Variants in CAMSAP2 observed in about 807,000 individuals in gnomAD.
CAMSAP2 encodes calmodulin regulated spectrin associated protein family member 2, also known as calmodulin-regulated spectrin-associated protein 2.
In CAMSAP2, 26 loss-of-function variants were observed where a neutral mutation model predicts 146.1. That is an observed-to-expected ratio of 0.18 (90% CI 0.13 to 0.25). The LOEUF is 0.25. Ranked by LOEUF, CAMSAP2 falls within the 10% of genes least tolerant of loss-of-function variation. The probability of loss-of-function intolerance (pLI) is 1.00; values close to 1 mark genes in which losing one functional copy is unlikely to be tolerated. For synonymous variants in CAMSAP2, 499 were observed against 596.6 expected, an observed-to-expected ratio of 0.84 and a Z score of 2.38; for missense variants, 1,381 against 1,759.3, an observed-to-expected ratio of 0.78 and a Z score of 3.85.
intron 1 of CAMSAP2, among the ~76,000 whole-genome samples, chr1:200,756,078 A>G (rs189038627): frequency 2.5e-4 from 38 of 152,330 alleles, no homozygotes; most frequent in Non-Finnish European, 5.1e-4. Context: ...TTGAGGTCAG[A>G]GTAGGAGTAG....
At chr1:200,766,582 C>A (rs1392961546) in intron 2 of CAMSAP2, among the ~76,000 whole-genome samples, 1 of 152,172 alleles carries the variant, frequency 6.6e-6, no homozygotes, top group Admixed American at 6.5e-5. Context: ...AATATAAGGT[C>A]ACAGAGCAAG....
At chr1:200,810,828 G>A (rs1558187537) in intron 3 of CAMSAP2, among the ~76,000 whole-genome samples, 2 of 152,106 alleles carry the variant, frequency 1.3e-5, no homozygotes, top group Non-Finnish European at 2.9e-5. Flanking sequence ...GGTGGAGGTT[G>A]CAGCGACTCG....
At chr1:200,780,277 A>C (rs976202299) in intron 2 of CAMSAP2, among the ~76,000 whole-genome samples, 1 of 152,190 alleles carries the variant, frequency 6.6e-6, no homozygotes, top group Non-Finnish European at 1.5e-5. Flanking sequence ...TTATGTGGGC[A>C]GTACTTGTCA....
chr1:200,818,154 T>C (rs1666656076), intron 4 of CAMSAP2, among the ~76,000 whole-genome samples: 1 of 152,200 alleles, frequency 6.6e-6, no homozygotes, highest in Non-Finnish European at 1.5e-5. Context: ...AGAAATCTTG[T>C]GTATTATATA....
At chr1:200,790,716 A>G (rs1308235701) in intron 2 of CAMSAP2, among the ~76,000 whole-genome samples, 2 of 152,248 alleles carry the variant, frequency 1.3e-5, no homozygotes, top group Admixed American at 6.5e-5. Context: ...TTGTTAGAAC[A>G]GAGTGACTGC....
intron 4 of CAMSAP2, among the ~76,000 whole-genome samples, chr1:200,817,187 C>CGTGTGTGTGTAT (rs1666602473): frequency 2.8e-5 from 2 of 71,614 alleles, no homozygotes; most frequent in African/African-American, 1.6e-4. Flanking sequence ...TACACACACA[C>CGTGTGTGTGTAT]ACATGTGTGT....
chr1:200,835,117 G>A (rs1387966094), intron 6 of CAMSAP2, among the ~76,000 whole-genome samples: 2 of 152,170 alleles, frequency 1.3e-5, no homozygotes, highest in Non-Finnish European at 2.9e-5. Flanking sequence ...CTGGGGAAAC[G>A]AACTGGGTAC....
At chr1:200,811,472 T>G (rs1666329596) in intron 3 of CAMSAP2, among the ~76,000 whole-genome samples, 1 of 152,212 alleles carries the variant, frequency 6.6e-6, no homozygotes, top group Non-Finnish European at 1.5e-5. Context: ...CCTTGAGTTC[T>G]AGTCACAGTG....
chr1:200,817,193 T>TAA (rs747965921), intron 4 of CAMSAP2, among the ~76,000 whole-genome samples: 1,832 of 83,212 alleles, frequency 0.022, 55 homozygotes, highest in East Asian at 0.033. Context: ...CACACACATG[T>TAA]GTGTGTGTAT....
At chr1:200,758,868 T>C (rs1664719348) in intron 1 of CAMSAP2, among the ~76,000 whole-genome samples, 1 of 152,218 alleles carries the variant, frequency 6.6e-6, no homozygotes, top group African/African-American at 2.4e-5. Flanking sequence ...GTTAGTCTCT[T>C]ATGTCCTATA....
chr1:200,742,985 A>G (rs1444287633), intron 1 of CAMSAP2, among the ~76,000 whole-genome samples: 1 of 152,210 alleles, frequency 6.6e-6, no homozygotes, highest in Non-Finnish European at 1.5e-5. Flanking sequence ...AAATTTTAAT[A>G]GTTTATTTTG....
intron 2 of CAMSAP2, among the ~76,000 whole-genome samples, chr1:200,779,270 CAAT>C (rs1189108431): frequency 1.3e-5 from 2 of 152,094 alleles, no homozygotes; most frequent in Non-Finnish European, 2.9e-5. Flanking sequence ...TTAATCACAA[CAAT>C]GACACCATCA....
chr1:200,843,839 G>GTT (rs34081222), intron 7 of CAMSAP2, among the ~76,000 whole-genome samples: 17 of 148,020 alleles, frequency 1.1e-4, no homozygotes, highest in East Asian at 3.9e-4. Context: ...ACTTATTTTT[G>GTT]TTTTTTTTTT....
At chr1:200,774,541 T>TA (rs1378628912) in intron 2 of CAMSAP2, among the ~76,000 whole-genome samples, 3 of 152,186 alleles carry the variant, frequency 2.0e-5, no homozygotes, top group Admixed American at 6.5e-5. Context: ...AAACAAATAT[T>TA]AAAAACGTAA....
At chr1:200,827,004 C>T (rs1043746730) in intron 4 of CAMSAP2, among the ~76,000 whole-genome samples, 2 of 152,130 alleles carry the variant, frequency 1.3e-5, no homozygotes, top group East Asian at 1.9e-4. Context: ...TCAGAAATGG[C>T]GTTATTCTTC....
At chr1:200,847,799 T>C in intron 10 of CAMSAP2, 90 bp downstream of exon 10, 2 of 1,168,948 alleles carry the variant, frequency 1.7e-6, no homozygotes, top group South Asian at 1.3e-5. Flanking sequence ...ACCAAATTGC[T>C]AAAACTTTTA....
chr1:200,820,342 C>T (rs574043644), intron 4 of CAMSAP2, among the ~76,000 whole-genome samples: 2 of 152,258 alleles, frequency 1.3e-5, no homozygotes, highest in South Asian at 4.1e-4. Context: ...AGGTATGAGA[C>T]ACCACCCCAG....
intron 2 of CAMSAP2, among the ~76,000 whole-genome samples, chr1:200,769,554 T>C (rs1412816658): frequency 6.6e-6 from 1 of 152,160 alleles, no homozygotes; most frequent in Non-Finnish European, 1.5e-5. Flanking sequence ...CCGGTACTTC[T>C]CACTGACCGG....
chr1:200,830,821 C>G (rs1322280846), intron 4 of CAMSAP2, among the ~76,000 whole-genome samples: 1 of 152,166 alleles, frequency 6.6e-6, no homozygotes, highest in Non-Finnish European at 1.5e-5. Context: ...GTCTATTATG[C>G]ACTAATTAAC....
Sources: allele counts gnomAD v4.1 joint callset (sites outside exome capture counted in the v4.1 genomes callset), GRCh38; gene constraint gnomAD v4.1.1; transcripts MANE v1.5; gene names NCBI Gene and HGNC (gene_info 2026-07-23, HGNC 2026-07-21).